The following COL23A1 variants were observed in gnomAD, a reference collection of about 807,000 sequenced individuals.
COL23A1 encodes the protein collagen type XXIII alpha 1 chain, also known as collagen alpha-1(XXIII) chain.
Under a neutral mutation model 99.3 loss-of-function variants are expected in COL23A1, and 97 were observed. That is an observed-to-expected ratio of 0.98 (90% CI 0.83 to 1.16). The LOEUF (loss-of-function observed/expected upper bound fraction) is 1.16. Among genes scored for constraint, COL23A1 ranks in the 50% most tolerant of loss-of-function variants. The probability of loss-of-function intolerance (pLI) is 0.00; values close to 1 mark genes in which losing one functional copy is unlikely to be tolerated. For synonymous variants in COL23A1, 320 were observed against 308.2 expected (o/e 1.04, Z -0.40); for missense variants, 762 against 757.4 (o/e 1.01, Z -0.07).
At position 178,354,994 on chromosome 5, in the gene COL23A1, G is replaced by C. The variant is rs145822453; in HGVS notation, c.362-48075C>G. ...AATCGCTTGAAACCGGGAGGCGGAG[G>C]TTGCAGTGAGTGGAGATCATAGCAC... On this transcript the variant is annotated intron_variant, in intron 2 of 28. Coordinates refer to ENST00000390654, the MANE Select transcript of COL23A1 (RefSeq NM_173465.4). Among the ~76,000 whole-genome samples the C allele has an allele frequency of 6.0e-3, 913 of 151,314 alleles. 4 individuals carry two copies. The highest frequency in any genetic ancestry group is 0.037 in the Middle Eastern group (11 of 294).
At chr5:178,536,043 GA>G (rs1279501050) in intron 2 of COL23A1, among the ~76,000 whole-genome samples, 1 of 152,288 alleles carries the variant, frequency 6.6e-6, no homozygotes, top group African/African-American at 2.4e-5. Flanking sequence ...CTCTGAGGTG[GA>G]AACTGTCCCC....
chr5:178,514,546 C>T (rs1157233979), intron 2 of COL23A1, among the ~76,000 whole-genome samples: 1 of 152,216 alleles, frequency 6.6e-6, no homozygotes, highest in Non-Finnish European at 1.5e-5. Flanking sequence ...GAATCCACAA[C>T]CTGTGCCCTA....
At chr5:178,490,540 T>C (rs568479660) in intron 2 of COL23A1, among the ~76,000 whole-genome samples, 75 of 152,076 alleles carry the variant, frequency 4.9e-4, no homozygotes, top group Non-Finnish European at 1.0e-3. Flanking sequence ...TGCACAATAC[T>C]GTGACTGTAC....
At chr5:178,406,795 C>T (rs1764789431) in intron 2 of COL23A1, among the ~76,000 whole-genome samples, 2 of 152,082 alleles carry the variant, frequency 1.3e-5, no homozygotes, top group Admixed American at 1.3e-4. Flanking sequence ...CATATGATAG[C>T]TTTGATAACT....
At chr5:178,245,594 C>T (rs1764648094) in intron 25 of COL23A1, among the ~76,000 whole-genome samples, 1 of 150,884 alleles carries the variant, frequency 6.6e-6, no homozygotes, top group Non-Finnish European at 1.5e-5. Context: ...ATTCATCCAT[C>T]CATTCACCCA....
rs1424445877 is a variant in COL23A1, at chr5:178,366,854, G to T, written c.362-59935C>A. 1.3e-5 allele frequency among the ~76,000 whole-genome samples: 2 copies of T among 152,200 alleles called. No individual in the cohort carries two copies. Among genetic ancestry groups the T allele is most frequent in the African/African-American group, 2.4e-5 (1 of 41,450 alleles). ...TCCTTCACCCAGGAAGCAGGGTCCTGCCCTCCTCTGCAGCCCCACGTGGCC... is the reference window on the plus strand; with the variant it reads ...TCCTTCACCCAGGAAGCAGGGTCCTTCCCTCCTCTGCAGCCCCACGTGGCC... On this transcript the variant is annotated intron_variant, in intron 2 of 28. Transcript: ENST00000390654. This position sits in a 1 kb window ranked among gnomAD's most constrained non-coding sequence, Gnocchi z 4.4.
At chr5:178,585,587 A>T (rs376840779) in intron 1 of COL23A1, among the ~76,000 whole-genome samples, 44 of 80,864 alleles carry the variant, frequency 5.4e-4, no homozygotes, top group African/African-American at 1.7e-3. Flanking sequence ...ACAGCCCTGG[A>T]TGGCGCTGGG....
At chr5:178,438,475 C>CAT (rs1766684463) in intron 2 of COL23A1, among the ~76,000 whole-genome samples, 1 of 152,194 alleles carries the variant, frequency 6.6e-6, no homozygotes, top group African/African-American at 2.4e-5. Flanking sequence ...GAACGCAGTT[C>CAT]ATCCCTGTAT....
rs776884743 is a variant in COL23A1 at position 178,366,541 on chromosome 5, C to T, written c.362-59622G>A. On this transcript the variant is annotated intron_variant, in intron 2 of 28. Coordinates refer to ENST00000390654, the MANE Select transcript of COL23A1 (RefSeq NM_173465.4). The surrounding 1 kb of genome is among the most constrained non-coding windows in gnomAD (Gnocchi z 4.4). ...CCTTTCCAGACCAACTTCCACCCTGCCCCAACAGAGTGCTTTCAGATCACC... is the reference window on the plus strand; with the variant it reads ...CCTTTCCAGACCAACTTCCACCCTGTCCCAACAGAGTGCTTTCAGATCACC... 6.6e-6 allele frequency among the ~76,000 whole-genome samples: 1 copy of T among 152,208 alleles called. No homozygotes were observed. The highest frequency in any genetic ancestry group is 1.5e-5 in the Non-Finnish European group (1 of 68,040).
At chr5:178,427,309 C>T (rs1354604214) in intron 2 of COL23A1, among the ~76,000 whole-genome samples, 1 of 152,192 alleles carries the variant, frequency 6.6e-6, no homozygotes, top group Non-Finnish European at 1.5e-5. Flanking sequence ...AAGCCTCGTC[C>T]ATTGCTGGTG....
intron 2 of COL23A1, among the ~76,000 whole-genome samples, chr5:178,517,005 A>G (rs2127999766): frequency 6.6e-6 from 1 of 152,302 alleles, no homozygotes; most frequent in Non-Finnish European, 1.5e-5. Flanking sequence ...CTCCACATCA[A>G]CACACTGGGC....
chr5:178,423,372 C>G (rs528408252), intron 2 of COL23A1, among the ~76,000 whole-genome samples: 81 of 152,258 alleles, frequency 5.3e-4, no homozygotes, highest in African/African-American at 1.9e-3. Context: ...ACCCGCAGCT[C>G]CCCGTCAGCC....
chr5:178,367,797 T>A (rs759028256), intron 2 of COL23A1, among the ~76,000 whole-genome samples: 1 of 152,240 alleles, frequency 6.6e-6, no homozygotes, highest in Non-Finnish European at 1.5e-5. Flanking sequence ...CACCAGCAGG[T>A]GGGTGCGCAG....
chr5:178,432,549 C>A (rs1766320932), intron 2 of COL23A1, among the ~76,000 whole-genome samples: 1 of 152,162 alleles, frequency 6.6e-6, no homozygotes, highest in African/African-American at 2.4e-5. Context: ...GGGTCTGTCA[C>A]ATGGAGCAGA....
intron 2 of COL23A1, among the ~76,000 whole-genome samples, chr5:178,378,824 G>A (rs1763220902): frequency 6.6e-6 from 1 of 152,172 alleles, no homozygotes; most frequent in African/African-American, 2.4e-5. Context: ...CAGGACGGAA[G>A]ATCCTGAGGC....
At chr5:178,367,378 T>TG (rs111454502) in intron 2 of COL23A1, among the ~76,000 whole-genome samples, 17,916 of 152,166 alleles carry the variant, frequency 0.12, 1,779 homozygotes, top group African/African-American at 0.28. Flanking sequence ...GCAGCCAGAG[T>TG]ATCAGCAAGG....
chr5:178,526,508 C>T (rs1048869576), intron 2 of COL23A1, among the ~76,000 whole-genome samples: 1 of 152,156 alleles, frequency 6.6e-6, no homozygotes, highest in Admixed American at 6.5e-5. Flanking sequence ...AGCAAGCCCA[C>T]CAGGAGGGCA....
intron 2 of COL23A1, among the ~76,000 whole-genome samples, chr5:178,546,751 T>G (rs565099465): frequency 3.1e-4 from 47 of 152,356 alleles, no homozygotes; most frequent in Non-Finnish European, 5.0e-4. Context: ...CAGCTATTTC[T>G]GTCCGTGACA....
At chr5:178,498,783 C>G (rs1758369871) in intron 2 of COL23A1, among the ~76,000 whole-genome samples, 2 of 152,032 alleles carry the variant, frequency 1.3e-5, no homozygotes, top group Non-Finnish European at 2.9e-5. Context: ...GCATAAAGGA[C>G]ATAGACATAT....
Sources: gnomAD v4.1 joint callset for allele counts (sites outside exome capture counted in the v4.1 genomes callset) on GRCh38, gnomAD v4.1.1 for gene constraint, Gnocchi (gnomAD v3.1) non-coding constraint, MANE v1.5 for transcripts, NCBI Gene and HGNC (gene_info 2026-07-23, HGNC 2026-07-21) for gene names.